MRTFB: variants seen among roughly 807,000 people sequenced by gnomAD.
The protein encoded by MRTFB is myocardin related transcription factor B.
In MRTFB, 29 loss-of-function variants were observed where a neutral mutation model predicts 104.2. The ratio of observed to expected loss-of-function variants is 0.28; its 90% CI spans 0.21 to 0.38. MRTFB has a LOEUF of 0.38. Among genes scored for constraint, MRTFB ranks in the 10% least tolerant of loss-of-function variants. MRTFB has a pLI of 1.00. For synonymous variants in MRTFB, 535 were observed against 519.5 expected (o/e 1.03, Z -0.41); for missense variants, 1,270 against 1,341.6 (o/e 0.95, Z 0.83).
At chr16:14,112,557 G>C (rs1025488801) in intron 2 of MRTFB, among the ~76,000 whole-genome samples, 11 of 152,238 alleles carry the variant, frequency 7.2e-5, no homozygotes, top group Non-Finnish European at 1.5e-4. Context: ...TTCCAGGTGA[G>C]AGCCAGGTTT....
At chr16:14,087,999 T>C (rs1735882263) in intron 2 of MRTFB, among the ~76,000 whole-genome samples, 1 of 152,214 alleles carries the variant, frequency 6.6e-6, no homozygotes, top group South Asian at 2.1e-4. Context: ...TGATTTAATA[T>C]ATTTAAAAGA....
rs370167164 is a variant in MRTFB at position 14,235,289 on chromosome 16, G to T, written c.831+1006G>T. ...GTGGCTTCAGGACATACATCAGTGT[G>T]TTTCCCCATCTTCTGTTGCTTAGCA... is the stretch of plus-strand genomic sequence containing the variant. On this transcript the variant is annotated intron_variant, in intron 9 of 16. Transcript: ENST00000571589. Among the ~76,000 whole-genome samples, 23 of 152,338 alleles carry T rather than the reference G, an allele frequency of 1.5e-4. No homozygotes were observed. In the South Asian group the frequency reaches 4.3e-3, roughly 29 times the overall value.
In MRTFB at chr16:14,261,476, G is replaced by C; in HGVS notation, c.*32G>C. On this transcript the variant is annotated 3_prime_UTR_variant, in exon 17 of 17. Coordinates refer to ENST00000571589, the MANE Select transcript of MRTFB (RefSeq NM_001308142.2). The stretch of plus-strand genomic sequence containing the variant: ...AGATTTCTTTTCTGAGAGTTGATGA[G>C]GTTTAAGAACATGAAGATTCTAAAA... 1 of 1,540,116 alleles carries C rather than the reference G, an allele frequency of 6.5e-7. No individual in the cohort carries two copies.
chr16:14,219,778 A>ATTTG (rs1230551685), intron 8 of MRTFB, among the ~76,000 whole-genome samples: 1 of 152,080 alleles, frequency 6.6e-6, no homozygotes, highest in African/African-American at 2.4e-5. Flanking sequence ...AAATATGTTT[A>ATTTG]TTTGTTTGTT....
At chr16:14,099,865 A>T (rs2035605278) in intron 2 of MRTFB, among the ~76,000 whole-genome samples, 1 of 151,642 alleles carries the variant, frequency 6.6e-6, no homozygotes, top group African/African-American at 2.4e-5. Flanking sequence ...ATGGGATTTC[A>T]CTGTGTTGGC....
chr16:14,136,093 A>G (rs2037706106), intron 2 of MRTFB, among the ~76,000 whole-genome samples: 1 of 152,028 alleles, frequency 6.6e-6, no homozygotes, highest in South Asian at 2.1e-4. Flanking sequence ...CAACATGGTG[A>G]GATCCCTGTC....
chr16:14,107,172 A>G (rs1358287873), intron 2 of MRTFB, among the ~76,000 whole-genome samples: 3 of 152,292 alleles, frequency 2.0e-5, no homozygotes, highest in African/African-American at 7.2e-5. Flanking sequence ...AGAGGTGGAG[A>G]TTACAGTGAG....
At chr16:14,223,802 A>G (rs552950085) in intron 8 of MRTFB, among the ~76,000 whole-genome samples, 5 of 152,234 alleles carry the variant, frequency 3.3e-5, no homozygotes, top group Non-Finnish European at 7.3e-5. Flanking sequence ...CAGTAATTAA[A>G]GAAATAATGG....
intron 2 of MRTFB, among the ~76,000 whole-genome samples, chr16:14,122,141 G>GTT (rs1410808382): frequency 6.6e-6 from 1 of 151,442 alleles, no homozygotes; most frequent in African/African-American, 2.4e-5. Context: ...CTATGTAAGT[G>GTT]TTATATATAT....
At chr16:14,186,795 G>C (rs1402161718) in intron 3 of MRTFB, 39 of 1,549,012 alleles carry the variant, frequency 2.5e-5, no homozygotes, top group Non-Finnish European at 3.2e-5. Flanking sequence ...CAGTGATTGG[G>C]GTATTGTGGG....
intron 2 of MRTFB, among the ~76,000 whole-genome samples, chr16:14,134,619 C>A (rs1441569660): frequency 6.6e-6 from 1 of 152,258 alleles, no homozygotes; most frequent in Non-Finnish European, 1.5e-5. Context: ...GTGCCCAGCA[C>A]AATGCCTAAT....
chr16:14,171,702 A>AT (rs1190798840), intron 3 of MRTFB, among the ~76,000 whole-genome samples: 1 of 152,144 alleles, frequency 6.6e-6, no homozygotes, highest in Non-Finnish European at 1.5e-5. Context: ...AATATATTTT[A>AT]TGTGTTTAAT....
the MRTFB span, chr16:14,015,723 G>T: frequency 1.8e-5 from 7 of 387,432 alleles, no homozygotes; most frequent in Admixed American, 4.5e-5. Context: ...ACAGCTGATC[G>T]GTTAATAATG....
intron 3 of MRTFB, among the ~76,000 whole-genome samples, chr16:14,186,036 C>CT (rs1222354551): frequency 2.0e-5 from 3 of 152,122 alleles, no homozygotes; most frequent in Non-Finnish European, 4.4e-5. Context: ...AGTGTTGCCG[C>CT]TTTTAATGCA....
At chr16:14,106,692 G>C (rs545768510) in intron 2 of MRTFB, among the ~76,000 whole-genome samples, 4 of 152,284 alleles carry the variant, frequency 2.6e-5, no homozygotes, top group African/African-American at 9.6e-5. Context: ...GAAGGCTTTT[G>C]TAAGAGTGAG....
the MRTFB span, among the ~76,000 whole-genome samples, chr16:14,000,388 C>A: frequency 6.6e-6 from 1 of 152,224 alleles, no homozygotes; most frequent in Non-Finnish European, 1.5e-5. Context: ...CATCCCGTAG[C>A]CCCTCTTTTT....
intron 2 of MRTFB, among the ~76,000 whole-genome samples, chr16:14,119,147 A>G (rs2036705635): frequency 6.6e-6 from 1 of 152,204 alleles, no homozygotes; most frequent in African/African-American, 2.4e-5. Context: ...CAGCCCCCAA[A>G]CTAGACCAGG....
chr16:14,097,082 T>C (rs972571640), intron 2 of MRTFB, among the ~76,000 whole-genome samples: 2 of 152,236 alleles, frequency 1.3e-5, no homozygotes, highest in Non-Finnish European at 1.5e-5. Flanking sequence ...TGATTTTCTT[T>C]AGTTGTGTTA....
the MRTFB span, among the ~76,000 whole-genome samples, chr16:14,003,640 G>C: frequency 0.015 from 2,225 of 146,676 alleles, 55 homozygotes; most frequent in African/African-American, 0.054. Flanking sequence ...CTGCCTGCCT[G>C]CCTCCCTCCC....
Sources: gnomAD v4.1 joint callset for allele counts (sites outside exome capture counted in the v4.1 genomes callset) on GRCh38, gnomAD v4.1.1 for gene constraint, MANE v1.5 for transcripts, NCBI Gene and HGNC (gene_info 2026-07-23, HGNC 2026-07-21) for gene names.